FSHR: variants seen among roughly 807,000 people sequenced by gnomAD.
The protein encoded by FSHR is follicle stimulating hormone receptor, also known as follicle-stimulating hormone receptor.
A neutral mutation model predicts 52.1 loss-of-function variants in FSHR; 46 were observed. That is an observed-to-expected ratio of 0.88 (90% CI 0.70 to 1.13). The LOEUF (loss-of-function observed/expected upper bound fraction) is 1.13, where lower values mean the gene tolerates loss of function less well. FSHR is among the 50% of genes most tolerant of loss of function. FSHR has a pLI of 0.00. For synonymous variants in FSHR, 399 were observed against 309.6 expected, an observed-to-expected ratio of 1.29 and a Z score of -3.03; for missense variants, 964 against 834.6, an observed-to-expected ratio of 1.16 and a Z score of -1.91.
intron 6 of FSHR, among the ~76,000 whole-genome samples, chr2:48,985,370 G>A (rs3788985): frequency 6.6e-6 from 1 of 152,128 alleles, no homozygotes; most frequent in Admixed American, 6.5e-5. Flanking sequence ...GAGGAAACAC[G>A]CACGAAGCAG....
At chr2:48,964,753 T>A (rs1016107390) in intron 9 of FSHR, among the ~76,000 whole-genome samples, 1 of 152,198 alleles carries the variant, frequency 6.6e-6, no homozygotes, top group African/African-American at 2.4e-5. Context: ...CTTTACTGTC[T>A]TGGTTTTGCC....
chr2:49,099,378 G>A (rs929829448), intron 1 of FSHR, among the ~76,000 whole-genome samples: 14 of 151,872 alleles, frequency 9.2e-5, no homozygotes, highest in South Asian at 2.1e-4. Flanking sequence ...TTTCCCTTCC[G>A]CCATGATCGT....
intron 1 of FSHR, among the ~76,000 whole-genome samples, chr2:49,152,438 A>G (rs1673096415): frequency 6.6e-6 from 1 of 152,084 alleles, no homozygotes; most frequent in Admixed American, 6.6e-5. Flanking sequence ...AGTAATTCAT[A>G]CAAATATACT....
At chr2:49,008,006 T>C (rs574327629) in intron 4 of FSHR, among the ~76,000 whole-genome samples, 3 of 152,144 alleles carry the variant, frequency 2.0e-5, no homozygotes, top group Admixed American at 2.0e-4. Flanking sequence ...TTTTGAATTT[T>C]CTTTTTTTTA....
intron 6 of FSHR, among the ~76,000 whole-genome samples, chr2:48,984,827 CAAAT>C (rs1675415756): frequency 6.6e-6 from 1 of 152,096 alleles, no homozygotes; most frequent in South Asian, 2.1e-4. Context: ...TTGCTATAAT[CAAAT>C]AAAACATAAA....
rs1266732705 is a variant in FSHR at position 49,032,743 on chromosome 2, G to T, written c.225-12583C>A. Reference sequence around the variant, plus strand: ...AAAGATAGAAGGAGGAGCAGGATCTGGGTCTGCCATCTCCTGAGCTGGTGT... The same window carrying T: ...AAAGATAGAAGGAGGAGCAGGATCTTGGTCTGCCATCTCCTGAGCTGGTGT... On this transcript the variant is annotated intron_variant, in intron 2 of 9. Transcript: ENST00000406846. Among the ~76,000 whole-genome samples the T allele has an allele frequency of 2.0e-5, 3 of 152,196 alleles. No individual in the cohort carries two copies. In the East Asian group the frequency reaches 5.8e-4, roughly 29 times the overall value.
chr2:48,981,452 T>A (rs899832677), intron 8 of FSHR, among the ~76,000 whole-genome samples: 2 of 152,206 alleles, frequency 1.3e-5, no homozygotes, highest in African/African-American at 2.4e-5. Flanking sequence ...TTGGCCATTT[T>A]TTTTAGGTGA....
intron 2 of FSHR, among the ~76,000 whole-genome samples, chr2:49,032,872 T>C (rs1310341344): frequency 6.6e-6 from 1 of 152,194 alleles, no homozygotes; most frequent in East Asian, 1.9e-4. Flanking sequence ...ATTGTCTTTA[T>C]TTATTTTTTC....
intron 2 of FSHR, among the ~76,000 whole-genome samples, chr2:49,039,262 G>T (rs1668399680): frequency 6.6e-6 from 1 of 152,156 alleles, no homozygotes; most frequent in Non-Finnish European, 1.5e-5. Flanking sequence ...TTTTGAAGAA[G>T]CCCAGGGTCT....
intron 1 of FSHR, among the ~76,000 whole-genome samples, chr2:49,079,293 A>T (rs1306238320): frequency 6.6e-6 from 1 of 152,180 alleles, no homozygotes; most frequent in Admixed American, 6.5e-5. Flanking sequence ...TGTGAAGATA[A>T]TCAGTTTAAT....
At chr2:49,099,612 C>G (rs1670950449) in intron 1 of FSHR, among the ~76,000 whole-genome samples, 1 of 151,890 alleles carries the variant, frequency 6.6e-6, no homozygotes, top group Non-Finnish European at 1.5e-5. Flanking sequence ...TCCAATATGA[C>G]TGATGTCTAT....
At chr2:49,017,939 A>G (rs1391436303) in intron 3 of FSHR, among the ~76,000 whole-genome samples, 1 of 152,100 alleles carries the variant, frequency 6.6e-6, no homozygotes, top group Non-Finnish European at 1.5e-5. Context: ...TGAGACTAAT[A>G]TGGCGAAATG....
intron 1 of FSHR, among the ~76,000 whole-genome samples, chr2:49,074,290 G>C (rs1669867113): frequency 6.6e-6 from 1 of 152,024 alleles, no homozygotes; most frequent in Non-Finnish European, 1.5e-5. Context: ...CTACCCATTT[G>C]ACAGAAGATT....
chr2:49,095,092 A>C (rs901741277), intron 1 of FSHR, among the ~76,000 whole-genome samples: 2 of 152,116 alleles, frequency 1.3e-5, no homozygotes, highest in Non-Finnish European at 2.9e-5. Flanking sequence ...TCAAAACGCT[A>C]GCTGCTTTTA....
intron 2 of FSHR, among the ~76,000 whole-genome samples, chr2:49,026,951 G>T (rs903747128): frequency 9.2e-5 from 14 of 152,096 alleles, no homozygotes; most frequent in Non-Finnish European, 4.4e-5. Context: ...TCCCTTGTCT[G>T]TAACAACCTG....
chr2:49,071,745 A>C (rs1472275636), intron 1 of FSHR, among the ~76,000 whole-genome samples: 1 of 152,204 alleles, frequency 6.6e-6, no homozygotes, highest in Admixed American at 6.5e-5. Context: ...AGGGCCTCAG[A>C]AATCTTCCAC....
intron 1 of FSHR, among the ~76,000 whole-genome samples, chr2:49,111,798 T>C (rs1480947815): frequency 1.3e-5 from 2 of 152,260 alleles, no homozygotes; most frequent in East Asian, 1.9e-4. Context: ...CTTTATACTT[T>C]CCTACTGAGC....
intron 1 of FSHR, among the ~76,000 whole-genome samples, chr2:49,090,879 A>G (rs72822027): frequency 2.0e-5 from 3 of 151,964 alleles, no homozygotes; most frequent in African/African-American, 7.2e-5. Flanking sequence ...AGTGCTGAGC[A>G]TGTTTTGTTG....
chr2:49,110,690 A>G (rs1209854599), intron 1 of FSHR, among the ~76,000 whole-genome samples: 1 of 152,072 alleles, frequency 6.6e-6, no homozygotes, highest in Non-Finnish European at 1.5e-5. Context: ...ATTTTTCACA[A>G]TTTCCCACTC....
Sources: gnomAD v4.1 joint callset for allele counts (sites outside exome capture counted in the v4.1 genomes callset) on GRCh38, gnomAD v4.1.1 for gene constraint, MANE v1.5 for transcripts, NCBI Gene and HGNC (gene_info 2026-07-23, HGNC 2026-07-21) for gene names.